Variants in RNF216 observed in about 807,000 individuals in gnomAD.
The protein encoded by RNF216 is E3 ubiquitin-protein ligase RNF216.
Under a neutral mutation model 110.8 loss-of-function variants are expected in RNF216, and 72 were observed. The ratio of observed to expected loss-of-function variants is 0.65; its 90% CI spans 0.54 to 0.79. The LOEUF is 0.79. RNF216 is among the 30% of genes least tolerant of loss of function. The pLI is 0.00. For missense variants in RNF216, 1,342 were observed against 1,141.2 expected, an observed-to-expected ratio of 1.18 and a Z score of -2.54; for synonymous variants, 495 against 407.5, an observed-to-expected ratio of 1.21 and a Z score of -2.59.
chr7:5,705,637 C>T (rs558458125), intron 13 of RNF216, among the ~76,000 whole-genome samples: 10 of 152,154 alleles, frequency 6.6e-5, no homozygotes, highest in South Asian at 4.1e-4. Context: ...AGGCTGGGCA[C>T]GGTGGCTCAC....
At chr7:5,660,943 G>GTTTTGTTTTTTTTTTTTTTT (rs1554352520) in intron 13 of RNF216, among the ~76,000 whole-genome samples, 1 of 90,164 alleles carries the variant, frequency 1.1e-5, no homozygotes, top group African/African-American at 5.5e-5. Flanking sequence ...GAAGCCTTAG[G>GTTTTGTTTTTTTTTTTTTTT]TTTTTTTTTT....
chr7:5,628,758 C>G (rs115133829), intron 15 of RNF216, among the ~76,000 whole-genome samples: 6 of 151,542 alleles, frequency 4.0e-5, no homozygotes, highest in African/African-American at 1.2e-4. Context: ...TGGGCTCAAG[C>G]GATGCACCCA....
At chr7:5,658,951 T>C (rs1420925116) in intron 13 of RNF216, among the ~76,000 whole-genome samples, 1 of 152,150 alleles carries the variant, frequency 6.6e-6, no homozygotes, top group African/African-American at 2.4e-5. Flanking sequence ...TGTTTCAGAA[T>C]ACTTCCATTA....
At chr7:5,644,326 A>C (rs1010674680) in intron 14 of RNF216, among the ~76,000 whole-genome samples, 2 of 151,944 alleles carry the variant, frequency 1.3e-5, no homozygotes, top group African/African-American at 2.4e-5. Context: ...TTTTTTCTAT[A>C]TCTCTGTCAA....
chr7:5,652,742 G>C (rs1285191705), intron 13 of RNF216, among the ~76,000 whole-genome samples: 1 of 152,116 alleles, frequency 6.6e-6, no homozygotes, highest in Non-Finnish European at 1.5e-5. Flanking sequence ...GGCTGTGGCA[G>C]GCCAGGAGTT....
intron 13 of RNF216, among the ~76,000 whole-genome samples, chr7:5,695,304 T>C (rs1791556780): frequency 6.6e-6 from 1 of 152,178 alleles, no homozygotes; most frequent in Non-Finnish European, 1.5e-5. Context: ...GTACCAAGGT[T>C]TGAACCACAC....
chr7:5,627,647 T>C (rs1786794035), intron 15 of RNF216, among the ~76,000 whole-genome samples: 1 of 151,724 alleles, frequency 6.6e-6, no homozygotes, highest in South Asian at 2.1e-4. Flanking sequence ...CTCGGGAGGC[T>C]GAGGCAGGAG....
At position 5,624,770 on chromosome 7, in the gene RNF216, C is replaced by T. The variant is rs564535091; in HGVS notation, c.2383-645G>A. ...ACTTGGGTTATCCAAGCCTCAGACA[C>T]GAACCGAAGAGGCACTGTGAGTGCA... is the stretch of plus-strand genomic sequence containing the variant. On this transcript the variant is annotated intron_variant, in intron 15 of 16. Transcript: ENST00000389902. The surrounding 1 kb of genome is among the most constrained non-coding windows in gnomAD (Gnocchi z 4.4). Among the ~76,000 whole-genome samples, 18 of 152,340 alleles carry T rather than the reference C, an allele frequency of 1.2e-4. No individual in the cohort carries two copies. Among genetic ancestry groups the T allele is most frequent in the East Asian group, 3.9e-4 (2 of 5,176 alleles).
At chr7:5,649,872 A>C (rs1788282364) in intron 14 of RNF216, 1 of 152,192 alleles carries the variant, frequency 6.6e-6, no homozygotes, top group African/African-American at 2.4e-5. Context: ...TATGCTGCGA[A>C]TGATTTGGAA....
chr7:5,742,499 T>C (rs1794812187), intron 3 of RNF216, among the ~76,000 whole-genome samples: 1 of 150,644 alleles, frequency 6.6e-6, no homozygotes, highest in Admixed American at 6.6e-5. Flanking sequence ...AAATGAAAAA[T>C]TAAAACAAGA....
Position 5,755,359 on chromosome 7 carries a change from TA to T in RNF216, c.68-2381del, listed in dbSNP as rs201704800. On this transcript the variant is annotated intron_variant, in intron 2 of 16. Coordinates refer to ENST00000389902, the MANE Select transcript of RNF216 (RefSeq NM_207111.4). ...TCCAATTAGCTTTTCAAAGTATACTTAAAAAAAAATTGAAAGAATAACACAG... is the reference window on the plus strand; with the variant it reads ...TCCAATTAGCTTTTCAAAGTATACTTAAAAAAAATTGAAAGAATAACACAG... 1.2e-4 allele frequency among the ~76,000 whole-genome samples: 18 copies of T among 151,480 alleles called. No homozygotes were observed. The East Asian group carries it at 1.9e-3, about 16-fold the overall frequency.
At chr7:5,781,229 C>A (rs1797071579) in intron 1 of RNF216, among the ~76,000 whole-genome samples, 1 of 152,132 alleles carries the variant, frequency 6.6e-6, no homozygotes, top group Non-Finnish European at 1.5e-5. Flanking sequence ...CGCGGTCTCC[C>A]GGGCTGTTGC....
At chr7:5,715,908 A>G (rs1793032204) in intron 10 of RNF216, among the ~76,000 whole-genome samples, 1 of 151,754 alleles carries the variant, frequency 6.6e-6, no homozygotes, top group Admixed American at 6.6e-5. Flanking sequence ...TGCCCAGCTA[A>G]TTTTTTGTAT....
At chr7:5,725,632 T>C (rs1167834617) in intron 7 of RNF216, among the ~76,000 whole-genome samples, 194 bp from the exon 8 acceptor site, 1 of 152,064 alleles carries the variant, frequency 6.6e-6, no homozygotes, top group Non-Finnish European at 1.5e-5. Flanking sequence ...GGCAGATCCC[T>C]TGAGGTCAGG....
At chr7:5,746,060 A>G (rs1584560583) in intron 3 of RNF216, among the ~76,000 whole-genome samples, 2 of 152,352 alleles carry the variant, frequency 1.3e-5, no homozygotes, top group East Asian at 1.9e-4. Context: ...GAGACTGTTG[A>G]TATCTTGAGG....
At chr7:5,747,827 G>C (rs1394069408) in intron 3 of RNF216, among the ~76,000 whole-genome samples, 1 of 149,858 alleles carries the variant, frequency 6.7e-6, no homozygotes, top group Non-Finnish European at 1.5e-5. Context: ...GTCCCAGGCT[G>C]AAGTATAGTG....
At chr7:5,666,998 G>C (rs556180564) in intron 13 of RNF216, among the ~76,000 whole-genome samples, 1 of 152,076 alleles carries the variant, frequency 6.6e-6, no homozygotes, top group East Asian at 1.9e-4. Flanking sequence ...GTACAGACCA[G>C]GTCTTGCTAT....
At chr7:5,707,718 G>GTTTTTTTTTTTTTTTTTTTT (rs35372254) in intron 13 of RNF216, among the ~76,000 whole-genome samples, 1 of 92,828 alleles carries the variant, frequency 1.1e-5, no homozygotes, top group Admixed American at 1.4e-4. Flanking sequence ...TGTGTGTGTG[G>GTTTTTTTTTTTTTTTTTTTT]TTTTTTTTTT....
At chr7:5,780,419 T>C (rs1165381564) in intron 1 of RNF216, 3 of 152,190 alleles carry the variant, frequency 2.0e-5, no homozygotes, top group African/African-American at 4.8e-5. Flanking sequence ...CCGGAGAACA[T>C]ATCTGAAACG....
Sources: allele counts gnomAD v4.1 joint callset (sites outside exome capture counted in the v4.1 genomes callset), GRCh38; gene constraint gnomAD v4.1.1; non-coding constraint Gnocchi (gnomAD v3.1); transcripts MANE v1.5; gene names NCBI Gene and HGNC (gene_info 2026-07-23, HGNC 2026-07-21).